UTS2B: variants seen among roughly 807,000 people sequenced by gnomAD.
UTS2B encodes the protein urotensin 2B.
Under a neutral mutation model 19.2 loss-of-function variants are expected in UTS2B, and 21 were observed. The observed-to-expected ratio is 1.09, with a 90% CI of 0.78 to 1.58. UTS2B has a LOEUF of 1.58. UTS2B is among the 40% of genes most tolerant of loss of function. The pLI is 0.00. For missense variants in UTS2B, 138 were observed against 130.3 expected, an observed-to-expected ratio of 1.06 and a Z score of -0.29; for synonymous variants, 57 against 50.2, an observed-to-expected ratio of 1.14 and a Z score of -0.58.
At chr3:191,289,274 T>G (rs936294934) in intron 4 of UTS2B, among the ~76,000 whole-genome samples, 56 of 152,028 alleles carry the variant, frequency 3.7e-4, no homozygotes, top group African/African-American at 1.3e-3. Context: ...CCAGGCATGG[T>G]GGCAGGCGCC....
At chr3:191,343,537 A>G in the UTS2B span, among the ~76,000 whole-genome samples, 5 of 152,384 alleles carry the variant, frequency 3.3e-5, no homozygotes, top group East Asian at 1.9e-4. Flanking sequence ...ATTTAAAAAC[A>G]GCAGAAGTGC....
At chr3:191,275,507 C>T (rs901378025) in intron 7 of UTS2B, among the ~76,000 whole-genome samples, 162 bp from the exon 8 acceptor site, 4 of 152,046 alleles carry the variant, frequency 2.6e-5, no homozygotes, top group African/African-American at 9.7e-5. Flanking sequence ...AGTGAAACTC[C>T]GCCTCTACTA....
At chr3:191,270,907 A>C (rs997310563) in intron 8 of UTS2B, among the ~76,000 whole-genome samples, 1 of 151,898 alleles carries the variant, frequency 6.6e-6, no homozygotes, top group African/African-American at 2.4e-5. Flanking sequence ...TAGGCCTCCC[A>C]AAAAAAACTG....
chr3:191,288,834 C>CA (rs913211166), intron 4 of UTS2B, among the ~76,000 whole-genome samples: 3 of 151,958 alleles, frequency 2.0e-5, no homozygotes, highest in East Asian at 1.9e-4. Context: ...AAAACTCCTG[C>CA]AAAAAAACAC....
chr3:191,329,862 AG>A, intron 1 of UTS2B: 1 of 702,174 alleles, frequency 1.4e-6, no homozygotes, highest in Non-Finnish European at 2.2e-6. Flanking sequence ...CGGACGTGAA[AG>A]GAATTGAATT....
chr3:191,310,747 G>C (rs936314677), intron 3 of UTS2B, among the ~76,000 whole-genome samples: 16 of 152,150 alleles, frequency 1.1e-4, no homozygotes, highest in African/African-American at 3.9e-4. Context: ...TTATAATTTG[G>C]TTAAAGTTAT....
chr3:191,304,175 C>A (rs1194853023), intron 4 of UTS2B, among the ~76,000 whole-genome samples: 1 of 152,162 alleles, frequency 6.6e-6, no homozygotes, highest in African/African-American at 2.4e-5. Flanking sequence ...CCAGGCTGGT[C>A]AAGAACTCCT....
At chr3:191,275,476 C>G (rs754148254) in intron 7 of UTS2B, 131 bp from the exon 8 acceptor site, 1 of 645,080 alleles carries the variant, frequency 1.6e-6, no homozygotes, top group East Asian at 2.7e-5. Context: ...GTCAGGCGAT[C>G]AAGACCATCC....
chr3:191,291,124 A>G (rs1716701438), intron 4 of UTS2B, among the ~76,000 whole-genome samples: 1 of 152,178 alleles, frequency 6.6e-6, no homozygotes, highest in Non-Finnish European at 1.5e-5. Context: ...TAAAGTAGAA[A>G]CATCTGTTCA....
chr3:191,308,703 A>T (rs550764541), intron 3 of UTS2B, among the ~76,000 whole-genome samples: 2 of 152,316 alleles, frequency 1.3e-5, no homozygotes, highest in African/African-American at 4.8e-5. Flanking sequence ...GGACAAAATC[A>T]TCCTTGGCTG....
At chr3:191,282,786 T>C (rs913313342) in intron 4 of UTS2B, among the ~76,000 whole-genome samples, 2 of 152,190 alleles carry the variant, frequency 1.3e-5, no homozygotes, top group African/African-American at 4.8e-5. Flanking sequence ...TGAATCATAA[T>C]GGGATCACAT....
intron 4 of UTS2B, among the ~76,000 whole-genome samples, chr3:191,301,541 C>A (rs1479913839): frequency 7.5e-6 from 1 of 133,492 alleles, no homozygotes; most frequent in Non-Finnish European, 1.5e-5. Flanking sequence ...GGCTGGAGTG[C>A]AGTGGTGTGA....
intron 4 of UTS2B, among the ~76,000 whole-genome samples, chr3:191,297,277 C>G (rs1211272385): frequency 6.6e-6 from 1 of 152,158 alleles, no homozygotes; most frequent in East Asian, 1.9e-4. Flanking sequence ...ATCTGCTCTT[C>G]TCTCACACTC....
chr3:191,338,692 T>G, the UTS2B span, among the ~76,000 whole-genome samples: 3 of 152,202 alleles, frequency 2.0e-5, no homozygotes, highest in Admixed American at 1.3e-4. Flanking sequence ...CCATTGAAGC[T>G]CCATAGAGCT....
At chr3:191,297,860 G>T (rs781392070) in intron 4 of UTS2B, among the ~76,000 whole-genome samples, 1 of 152,176 alleles carries the variant, frequency 6.6e-6, no homozygotes, top group Non-Finnish European at 1.5e-5. Context: ...TTGTGATAAT[G>T]CACTTAAATA....
chr3:191,310,681 T>G (rs571202747), intron 3 of UTS2B, among the ~76,000 whole-genome samples: 2 of 152,010 alleles, frequency 1.3e-5, no homozygotes, highest in East Asian at 3.9e-4. Flanking sequence ...GCAAGTGGAA[T>G]AAAATCTCAG....
intron 4 of UTS2B, among the ~76,000 whole-genome samples, chr3:191,299,582 G>A (rs527931276): frequency 1.4e-4 from 21 of 152,356 alleles, no homozygotes; most frequent in African/African-American, 4.1e-4. Context: ...AGAGATGTAC[G>A]GCAAAGCCTG....
chr3:191,278,071 C>A lies in UTS2B; in HGVS notation c.202+1G>T. 1 of 1,486,128 alleles carries A rather than the reference C, an allele frequency of 6.7e-7. No homozygotes were observed. The highest frequency in any genetic ancestry group is 9.1e-7 in the Non-Finnish European group (1 of 1,103,024). The allele number at this position is 1,486,128 out of a possible 1,614,324, so 92.1% of individuals were successfully genotyped here. A position where few individuals can be genotyped will look rare whatever the true frequency, so the allele number is the denominator to read the frequency against. ...AGAGCTTGACTTTATGTTTAACTCA[C>A]CAGTGTTGAAAGGTCTTTGGAAATC... On this transcript the variant is annotated splice_donor_variant, in intron 6 of 8. Transcript: ENST00000340524. LOFTEE classifies it high-confidence loss of function.
At chr3:191,325,788 C>T (rs879821029) in intron 2 of UTS2B, among the ~76,000 whole-genome samples, 2 of 152,122 alleles carry the variant, frequency 1.3e-5, no homozygotes, top group Non-Finnish European at 2.9e-5. Context: ...TTTGGGTTAG[C>T]CCTAATCCAA....
Sources: gnomAD v4.1 joint callset for allele counts (sites outside exome capture counted in the v4.1 genomes callset) on GRCh38, gnomAD v4.1.1 for gene constraint, MANE v1.5 for transcripts, NCBI Gene and HGNC (gene_info 2026-07-23, HGNC 2026-07-21) for gene names.